Variants in FGGY observed in about 807,000 individuals in gnomAD.
FGGY encodes FGGY carbohydrate kinase domain-containing protein.
FGGY carries 72 observed loss-of-function variants against 71.3 expected under a neutral mutation model. The observed-to-expected ratio is 1.01, with a 90% confidence interval of 0.84 to 1.23. The LOEUF (loss-of-function observed/expected upper bound fraction) is 1.23. FGGY is among the 50% of genes most tolerant of loss of function. The probability of loss-of-function intolerance (pLI) is 0.00; values close to 1 mark genes in which losing one functional copy is unlikely to be tolerated. For missense variants in FGGY, 668 were observed against 682.3 expected (o/e 0.98, Z 0.23); for synonymous variants, 251 against 250.3 (o/e 1.00, Z -0.02).
At chr1:59,624,766 A>G (rs1400284024) in intron 9 of FGGY, among the ~76,000 whole-genome samples, 1 of 152,166 alleles carries the variant, frequency 6.6e-6, no homozygotes, top group African/African-American at 2.4e-5. Context: ...AGTATGGGGG[A>G]AACTGCGCCC....
intron 1 of FGGY, among the ~76,000 whole-genome samples, chr1:59,302,194 G>T (rs12562902): frequency 6.6e-6 from 1 of 151,664 alleles, no homozygotes; most frequent in South Asian, 2.1e-4. Flanking sequence ...GAAGTTTGAA[G>T]AATTTTTGTA....
intron 10 of FGGY, among the ~76,000 whole-genome samples, chr1:59,636,761 A>G (rs35652555): frequency 6.6e-6 from 1 of 152,232 alleles, no homozygotes; most frequent in Non-Finnish European, 1.5e-5. Flanking sequence ...TGGCAACTTC[A>G]TGGGATCCAT....
intron 6 of FGGY, among the ~76,000 whole-genome samples, chr1:59,458,161 A>G (rs952755592): frequency 4.6e-5 from 7 of 152,230 alleles, no homozygotes; most frequent in Non-Finnish European, 1.0e-4. Flanking sequence ...TGATTTGTAA[A>G]ATGTATATGC....
In FGGY at chr1:59,508,082, T is replaced by C. The variant is rs557805799; in HGVS notation, c.671-4229T>C. Among the ~76,000 whole-genome samples the C allele has an allele frequency of 5.9e-5, 9 of 152,298 alleles. No individual in the cohort carries two copies. In the South Asian group the frequency reaches 1.9e-3, roughly 32 times the overall value. Reference sequence around the variant, plus strand: ...CCCTTTCCCCGGAGCATGCCAGCACTGAAACCACCAATCTCCAACTTGCCT... The same window carrying C: ...CCCTTTCCCCGGAGCATGCCAGCACCGAAACCACCAATCTCCAACTTGCCT... On this transcript the variant is annotated intron_variant, in intron 6 of 15. Transcript: ENST00000303721.
At chr1:59,736,687 G>A (rs1246766115) in intron 14 of FGGY, among the ~76,000 whole-genome samples, 1 of 152,216 alleles carries the variant, frequency 6.6e-6, no homozygotes, top group Non-Finnish European at 1.5e-5. Context: ...GGTGACTTGG[G>A]TGCTGTTGAC....
chr1:59,508,938 G>T (rs1271353086), intron 6 of FGGY, among the ~76,000 whole-genome samples: 2 of 152,164 alleles, frequency 1.3e-5, no homozygotes, highest in East Asian at 3.9e-4. Context: ...AGAGGGAAAA[G>T]AGCTGAACTG....
intron 6 of FGGY, among the ~76,000 whole-genome samples, chr1:59,469,903 C>G (rs1325521811): frequency 6.6e-6 from 1 of 152,160 alleles, no homozygotes; most frequent in Non-Finnish European, 1.5e-5. Flanking sequence ...CTAGCTCCAT[C>G]CATGTCCCTG....
intron 1 of FGGY, among the ~76,000 whole-genome samples, chr1:59,313,992 C>T (rs549549572): frequency 2.7e-4 from 41 of 150,930 alleles, no homozygotes; most frequent in Non-Finnish European, 4.1e-4. Context: ...GACAGAATCT[C>T]GCTTTGTTGT....
intron 5 of FGGY, among the ~76,000 whole-genome samples, chr1:59,435,768 G>C (rs960408096): frequency 6.6e-6 from 1 of 151,662 alleles, no homozygotes; most frequent in Admixed American, 6.6e-5. Context: ...GTGTGTGTGT[G>C]TGTGTGTGTG....
intron 9 of FGGY, among the ~76,000 whole-genome samples, chr1:59,611,841 A>G (rs932623316): frequency 2.6e-5 from 4 of 152,248 alleles, no homozygotes; most frequent in South Asian, 2.1e-4. Context: ...CACGAGAACT[A>G]TGTGACAAAT....
At chr1:59,299,063 G>A (rs980565519) in intron 1 of FGGY, among the ~76,000 whole-genome samples, 5 of 152,184 alleles carry the variant, frequency 3.3e-5, no homozygotes, top group Non-Finnish European at 7.3e-5. Context: ...AAGGTATGCC[G>A]AAGACTCCCA....
At chr1:59,733,461 G>GTTTTTTTTTTT (rs139679887) in intron 14 of FGGY, among the ~76,000 whole-genome samples, 1 of 144,976 alleles carries the variant, frequency 6.9e-6, no homozygotes, top group Non-Finnish European at 1.5e-5. Context: ...GTTTTGTTTT[G>GTTTTTTTTTTT]TTTTTTTGTT....
intron 11 of FGGY, among the ~76,000 whole-genome samples, chr1:59,654,188 A>G (rs1294363348): frequency 2.6e-5 from 4 of 152,222 alleles, no homozygotes; most frequent in Non-Finnish European, 4.4e-5. Context: ...TAGATTCCAG[A>G]CACTTACTGA....
chr1:59,620,800 A>G (rs533271927), intron 9 of FGGY, among the ~76,000 whole-genome samples: 1 of 152,148 alleles, frequency 6.6e-6, no homozygotes, highest in Admixed American at 6.6e-5. Flanking sequence ...GTGTAGTTCT[A>G]CTTACCACTC....
intron 1 of FGGY, among the ~76,000 whole-genome samples, chr1:59,314,680 G>T (rs897184277): frequency 6.6e-6 from 1 of 152,188 alleles, no homozygotes; most frequent in African/African-American, 2.4e-5. Flanking sequence ...GTGTTGTGGA[G>T]AAGAATTGTC....
chr1:59,593,861 C>T (rs1403512747), intron 8 of FGGY, among the ~76,000 whole-genome samples: 1 of 152,188 alleles, frequency 6.6e-6, no homozygotes, highest in Non-Finnish European at 1.5e-5. Flanking sequence ...TGAAGTGTCT[C>T]TGTTCTGGAG....
At chr1:59,747,298 C>A (rs553037574) in intron 14 of FGGY, among the ~76,000 whole-genome samples, 1 of 152,170 alleles carries the variant, frequency 6.6e-6, no homozygotes, top group Non-Finnish European at 1.5e-5. Flanking sequence ...GGATCCAACT[C>A]TTTTGCAGCC....
At chr1:59,408,674 AT>A (rs1256425364) in intron 5 of FGGY, among the ~76,000 whole-genome samples, 2 of 151,902 alleles carry the variant, frequency 1.3e-5, no homozygotes, top group Admixed American at 6.6e-5. Context: ...ACTTCACATC[AT>A]TTTTTTCCCC....
intron 10 of FGGY, among the ~76,000 whole-genome samples, chr1:59,633,302 G>A (rs1029123752): frequency 5.3e-5 from 8 of 152,036 alleles, no homozygotes; most frequent in Non-Finnish European, 8.8e-5. Flanking sequence ...GAGCCACTGC[G>A]CCCGACCTAT....
Sources: allele counts gnomAD v4.1 joint callset (sites outside exome capture counted in the v4.1 genomes callset), GRCh38; gene constraint gnomAD v4.1.1; transcripts MANE v1.5; gene names NCBI Gene and HGNC (gene_info 2026-07-23, HGNC 2026-07-21).